Variants in KLHL24 observed in about 807,000 individuals in gnomAD.
KLHL24 encodes kelch like family member 24.
A neutral mutation model predicts 53.4 loss-of-function variants in KLHL24; 29 were observed. That is an observed-to-expected ratio of 0.54 (90% CI 0.40 to 0.74). The LOEUF is 0.74. KLHL24 is among the 30% of genes least tolerant of loss of function. KLHL24 has a pLI of 0.00. For missense variants in KLHL24, 504 were observed against 744.0 expected (o/e 0.68, Z 3.75); for synonymous variants, 222 against 253.7 (o/e 0.88, Z 1.19).
In KLHL24 at chr3:183,679,286, A is replaced by AATTTC; in HGVS notation, c.*1_*2insTTTCA. 1 of 1,612,364 alleles carries AATTTC rather than the reference A, an allele frequency of 6.2e-7. No homozygotes were observed. Among genetic ancestry groups the AATTTC allele is most frequent in the Non-Finnish European group, 8.5e-7 (1 of 1,178,550 alleles). On this transcript the variant is annotated 3_prime_UTR_variant, in exon 8 of 8. Transcript: ENST00000242810. ...ACAATGAGAAATGCTTTAAACTCTG[A>AATTTC]AGACAGGATACCTCACCGAAGAAGC...
intron 2 of KLHL24, among the ~76,000 whole-genome samples, chr3:183,644,534 G>T (rs1462913593): frequency 6.6e-6 from 1 of 152,166 alleles, no homozygotes; most frequent in African/African-American, 2.4e-5. Flanking sequence ...TCTCATTGCT[G>T]TTGAAGACTT....
intron 3 of KLHL24, among the ~76,000 whole-genome samples, chr3:183,655,731 T>G (rs1466876477): frequency 6.6e-6 from 1 of 152,074 alleles, no homozygotes; most frequent in African/African-American, 2.4e-5. Context: ...GAGACCATCC[T>G]GGCCAACATG....
chr3:183,660,168 G>A (rs1360554669), intron 3 of KLHL24, among the ~76,000 whole-genome samples: 1 of 134,868 alleles, frequency 7.4e-6, no homozygotes, highest in Non-Finnish European at 1.6e-5. Flanking sequence ...GTCTCCCTCT[G>A]TCACCCAGCC....
At chr3:183,674,279 C>CTTTCTTTCTTTCT in intron 7 of KLHL24, among the ~76,000 whole-genome samples, 1 of 150,384 alleles carries the variant, frequency 6.6e-6, no homozygotes, top group African/African-American at 2.5e-5. Flanking sequence ...TTCTTTCTTT[C>CTTTCTTTCTTTCT]TTTCTTTCTT....
chr3:183,656,815 T>G (rs1718963770), intron 3 of KLHL24, among the ~76,000 whole-genome samples: 1 of 151,204 alleles, frequency 6.6e-6, no homozygotes. Context: ...ATCCCAGCTC[T>G]CAGGGAGGCA....
chr3:183,679,059 T>A (rs762839093), intron 7 of KLHL24, 27 bp from the exon 8 acceptor site: 12 of 1,568,690 alleles, frequency 7.6e-6, no homozygotes, highest in Middle Eastern at 1.8e-4. Flanking sequence ...AATGGTTAAT[T>A]TTTTGTTTAT....
intron 2 of KLHL24, among the ~76,000 whole-genome samples, chr3:183,649,459 C>CA (rs1717809506): frequency 6.9e-6 from 1 of 144,754 alleles, no homozygotes; most frequent in East Asian, 2.1e-4. Context: ...ATCAATACAG[C>CA]ATTGGACATC....
At chr3:183,666,993 C>G (rs1396003665) in intron 5 of KLHL24, among the ~76,000 whole-genome samples, 1 of 152,104 alleles carries the variant, frequency 6.6e-6, no homozygotes, top group Non-Finnish European at 1.5e-5. Context: ...CATAGGCCCT[C>G]CTATGGAGAC....
chr3:183,674,292 TTTC>T (rs1320917719), intron 7 of KLHL24, among the ~76,000 whole-genome samples: 4 of 150,622 alleles, frequency 2.7e-5, no homozygotes, highest in Non-Finnish European at 4.4e-5. Flanking sequence ...TCTTTCTTTC[TTTC>T]TTTCTTTCCT....
In KLHL24 at chr3:183,649,913, TAAAAAG is replaced by T. The variant is rs574280739; in HGVS notation, c.-61-379_-61-374del. Among the ~76,000 whole-genome samples, 90 of 152,246 alleles carry T rather than the reference TAAAAAG, an allele frequency of 5.9e-4. 1 individual carries two copies. Among genetic ancestry groups the T allele is most frequent in the South Asian group, 3.9e-3 (19 of 4,830 alleles). On this transcript the variant is annotated intron_variant, in intron 2 of 7. Coordinates refer to ENST00000242810, the MANE Select transcript of KLHL24 (RefSeq NM_017644.3). ...CCTGTCTCAAAATAAAAAAGATTCT[TAAAAAG>T]AAAGATAACTGTTAGAATTCTAACT...
rs1457505642 is a variant in KLHL24 at position 183,650,969 on chromosome 3, C to A, written c.613C>A (p.Leu205Ile). The A allele has an allele frequency of 1.9e-5, 31 of 1,614,052 alleles. No homozygotes were observed. The highest frequency in any genetic ancestry group is 2.3e-5 in the Non-Finnish European group (27 of 1,180,036). ...FEDVSQHEEF[L>I]ELDKDELIDY... ...GGATGTATCCCAGCACGAAGAATTT[C>A]TTGAGCTTGACAAAGATGAACTTAT... The change falls in exon 3 of 8, where the codon CTT (leucine) becomes ATT (isoleucine). Residue 205 changes from leucine to isoleucine, a missense_variant. Physicochemically the swap from Leu to Ile is conservative, Grantham distance 5 (BLOSUM62 2). Coordinates refer to ENST00000242810, the MANE Select transcript of KLHL24 (RefSeq NM_017644.3). The surrounding 1 kb of genome is among the most constrained non-coding windows in gnomAD (Gnocchi z 4.5).
chr3:183,641,187 G>A (rs1716365862), intron 1 of KLHL24, among the ~76,000 whole-genome samples: 1 of 151,952 alleles, frequency 6.6e-6, no homozygotes, highest in Non-Finnish European at 1.5e-5. Context: ...TGATTTTCTG[G>A]TTATTTTTTA....
intron 3 of KLHL24, among the ~76,000 whole-genome samples, chr3:183,661,032 T>G: frequency 1.5e-5 from 1 of 66,498 alleles, no homozygotes; most frequent in South Asian, 3.4e-4. Flanking sequence ...GCCACCGCAC[T>G]CCAGCCTGGG....
intron 4 of KLHL24, 25 bp from the exon 5 acceptor site, chr3:183,664,896 T>C (rs1720308617): frequency 7.5e-7 from 1 of 1,330,000 alleles, no homozygotes; most frequent in East Asian, 2.3e-5. Flanking sequence ...TAAATTATCG[T>C]GTGTGCATTG....
chr3:183,664,906 GT>G lies in KLHL24; in HGVS notation c.1106-11del. The G allele has an allele frequency of 6.8e-7, 1 of 1,480,406 alleles. No individual in the cohort carries two copies. Among genetic ancestry groups the G allele is most frequent in the Non-Finnish European group, 9.4e-7 (1 of 1,061,536 alleles). The allele number at this position is 1,480,406 out of a possible 1,614,324, so 91.7% of individuals were successfully genotyped here. ...CATGATAAATTATCGTGTGTGCATTGTTTTGCATTTCAAGGTGGAAGAATCA... is the reference window on the plus strand; with the variant it reads ...CATGATAAATTATCGTGTGTGCATTGTTTGCATTTCAAGGTGGAAGAATCA... On this transcript the variant is annotated splice_polypyrimidine_tract_variant and intron_variant, in intron 4 of 7. Transcript: ENST00000242810.
intron 3 of KLHL24, among the ~76,000 whole-genome samples, chr3:183,658,502 T>C (rs1183286056): frequency 1.3e-5 from 2 of 152,188 alleles, no homozygotes; most frequent in Admixed American, 1.3e-4. Context: ...CTAATTCATT[T>C]TTTTGCCATT....
intron 5 of KLHL24, among the ~76,000 whole-genome samples, chr3:183,670,502 C>G (rs1198497026): frequency 6.6e-6 from 1 of 152,142 alleles, no homozygotes; most frequent in Non-Finnish European, 1.5e-5. Flanking sequence ...GTGTCAAGTA[C>G]TTTTCTAGGT....
At chr3:183,667,289 A>G (rs1560177319) in intron 5 of KLHL24, among the ~76,000 whole-genome samples, 1 of 152,276 alleles carries the variant, frequency 6.6e-6, no homozygotes, top group East Asian at 1.9e-4. Flanking sequence ...GGTGGTCCGC[A>G]CCGGTAGTCC....
intron 1 of KLHL24, 128 bp from the exon 2 acceptor site, chr3:183,643,352 C>G (rs1321956098): frequency 6.6e-6 from 1 of 152,060 alleles, no homozygotes; most frequent in Non-Finnish European, 1.5e-5. Flanking sequence ...TATTTTTAAA[C>G]AAAAACGAAC....
Sources: gnomAD v4.1 joint callset for allele counts (sites outside exome capture counted in the v4.1 genomes callset) on GRCh38, gnomAD v4.1.1 for gene constraint, Gnocchi (gnomAD v3.1) non-coding constraint, MANE v1.5 for transcripts, NCBI Gene and HGNC (gene_info 2026-07-23, HGNC 2026-07-21) for gene names.